The following WWOX variants were observed in gnomAD, a reference collection of about 807,000 sequenced individuals.
WWOX encodes the protein WW domain containing oxidoreductase.
Under a neutral mutation model 46.2 loss-of-function variants are expected in WWOX, and 69 were observed. The ratio of observed to expected loss-of-function variants is 1.49; its 90% confidence interval spans 1.23 to 1.82. The LOEUF (loss-of-function observed/expected upper bound fraction) is 1.82, where lower values mean the gene tolerates loss of function less well. WWOX is among the 40% of genes most tolerant of loss of function. The pLI is 0.00. For missense variants in WWOX, 919 were observed against 542.6 expected (o/e 1.69, Z -6.89); for synonymous variants, 359 against 202.6 (o/e 1.77, Z -6.56).
chr16:79,096,411 T>C (rs531905865), intron 8 of WWOX, among the ~76,000 whole-genome samples: 9 of 152,218 alleles, frequency 5.9e-5, no homozygotes, highest in African/African-American at 1.9e-4. Flanking sequence ...CTCTTCCCCC[T>C]GCTCACTGGG....
intron 8 of WWOX, among the ~76,000 whole-genome samples, chr16:78,773,836 G>A (rs1188279343): frequency 1.3e-5 from 2 of 152,146 alleles, no homozygotes; most frequent in Non-Finnish European, 2.9e-5. Context: ...CAGGGAGCTT[G>A]GCTGCAAAAC....
intron 5 of WWOX, among the ~76,000 whole-genome samples, chr16:78,277,089 A>T (rs997912624): frequency 6.6e-6 from 1 of 152,072 alleles, no homozygotes; most frequent in Non-Finnish European, 1.5e-5. Context: ...GAAGTTTTGG[A>T]TACATTCTCT....
At chr16:78,921,662 A>G (rs551241107) in intron 8 of WWOX, among the ~76,000 whole-genome samples, 2 of 152,288 alleles carry the variant, frequency 1.3e-5, no homozygotes, top group Non-Finnish European at 2.9e-5. Flanking sequence ...TAAGAGAGGA[A>G]TGGGTTCCTG....
chr16:78,946,661 C>G (rs1232194722), intron 8 of WWOX, among the ~76,000 whole-genome samples: 1 of 152,128 alleles, frequency 6.6e-6, no homozygotes, highest in Non-Finnish European at 1.5e-5. Flanking sequence ...TGGCATGTCT[C>G]CACTCTGCAG....
intron 8 of WWOX, among the ~76,000 whole-genome samples, chr16:78,602,936 A>G (rs1326769590): frequency 6.6e-6 from 1 of 152,130 alleles, no homozygotes; most frequent in Non-Finnish European, 1.5e-5. Flanking sequence ...GTCATTGCTG[A>G]TTAGCTTTCT....
intron 8 of WWOX, among the ~76,000 whole-genome samples, chr16:78,656,343 G>T (rs904211057): frequency 5.3e-5 from 8 of 152,084 alleles, no homozygotes; most frequent in African/African-American, 1.7e-4. Flanking sequence ...GTATTAGTCT[G>T]TTCTCACATT....
chr16:78,990,497 C>A (rs2046865560), intron 8 of WWOX, among the ~76,000 whole-genome samples: 1 of 152,204 alleles, frequency 6.6e-6, no homozygotes, highest in South Asian at 2.1e-4. Flanking sequence ...ACTCTGTGGC[C>A]TGCATTCTAT....
At chr16:79,005,271 C>G (rs751351918) in intron 8 of WWOX, among the ~76,000 whole-genome samples, 3 of 152,254 alleles carry the variant, frequency 2.0e-5, no homozygotes, top group Admixed American at 6.5e-5. Context: ...CAGCCAAAGT[C>G]CAAGGTTCCT....
chr16:79,013,624 C>G (rs907511252), intron 8 of WWOX, among the ~76,000 whole-genome samples: 7 of 152,108 alleles, frequency 4.6e-5, no homozygotes, highest in Admixed American at 2.6e-4. Flanking sequence ...AGGTCCTGTG[C>G]TGCCTGGGTC....
chr16:78,471,637 CATTT>C (rs1447626876), intron 8 of WWOX, among the ~76,000 whole-genome samples: 2 of 152,146 alleles, frequency 1.3e-5, no homozygotes, highest in African/African-American at 4.8e-5. Context: ...TACTGAGACA[CATTT>C]ATATTAGGGT....
At chr16:78,219,244 A>G (rs2036815098) in intron 5 of WWOX, among the ~76,000 whole-genome samples, 1 of 152,136 alleles carries the variant, frequency 6.6e-6, no homozygotes, top group Non-Finnish European at 1.5e-5. Context: ...CCTATGTTAG[A>G]TTACTCCAAG....
At chr16:78,336,564 A>C in intron 5 of WWOX, among the ~76,000 whole-genome samples, 1 of 150,498 alleles carries the variant, frequency 6.6e-6, no homozygotes, top group Admixed American at 6.6e-5. Flanking sequence ...GGAGCAAAGG[A>C]GTCTTGTGGA....
At chr16:78,710,419 A>G (rs1016095944) in intron 8 of WWOX, among the ~76,000 whole-genome samples, 2 of 138,412 alleles carry the variant, frequency 1.4e-5, no homozygotes, top group African/African-American at 5.4e-5. Flanking sequence ...TGGCCACACC[A>G]GTGGGATGCA....
chr16:78,406,734 C>G (rs1002257081), intron 6 of WWOX, among the ~76,000 whole-genome samples: 27 of 151,374 alleles, frequency 1.8e-4, no homozygotes, highest in African/African-American at 6.6e-4. Context: ...TCAAGCGATT[C>G]TCCTGCCTCA....
intron 3 of WWOX, among the ~76,000 whole-genome samples, chr16:78,113,297 C>T (rs188909231): frequency 1.3e-5 from 2 of 152,170 alleles, no homozygotes; most frequent in African/African-American, 4.8e-5. Context: ...GAGAGCCTCC[C>T]GTCTAGAGCA....
intron 8 of WWOX, among the ~76,000 whole-genome samples, chr16:78,714,662 A>G (rs1330871932): frequency 6.6e-6 from 1 of 152,216 alleles, no homozygotes. Context: ...ACGGTAAATG[A>G]GACCTCTGGT....
chr16:79,074,229 A>AT (rs150423729), intron 8 of WWOX, among the ~76,000 whole-genome samples: 16,126 of 151,704 alleles, frequency 0.11, 972 homozygotes, highest in Middle Eastern at 0.17. Context: ...CTGGATTTCT[A>AT]TTTTTTTAAA....
chr16:78,598,041 C>G (rs1181482677), intron 8 of WWOX, among the ~76,000 whole-genome samples: 1 of 152,128 alleles, frequency 6.6e-6, no homozygotes, highest in East Asian at 1.9e-4. Flanking sequence ...ATGTCCAGCT[C>G]CACTAATCTC....
intron 8 of WWOX, among the ~76,000 whole-genome samples, chr16:78,756,762 G>A (rs2049659237): frequency 6.6e-6 from 1 of 152,154 alleles, no homozygotes; most frequent in Non-Finnish European, 1.5e-5. Flanking sequence ...TGGGGAATGT[G>A]GCCTCTGGTG....
Sources: allele counts gnomAD v4.1 joint callset (sites outside exome capture counted in the v4.1 genomes callset), GRCh38; gene constraint gnomAD v4.1.1; transcripts MANE v1.5; gene names NCBI Gene and HGNC (gene_info 2026-07-23, HGNC 2026-07-21).